NR5A2: variants seen among roughly 807,000 people sequenced by gnomAD.
NR5A2 encodes CYP7A promoter-binding factor.
NR5A2 carries 26 observed loss-of-function variants against 62.7 expected under a neutral mutation model. The observed-to-expected ratio is 0.41, with a 90% confidence interval of 0.30 to 0.58. NR5A2 has a LOEUF of 0.58. Ranked by LOEUF, NR5A2 falls within the 20% of genes least tolerant of loss-of-function variation. The pLI is 0.22. For synonymous variants in NR5A2, 246 were observed against 241.7 expected, an observed-to-expected ratio of 1.02 and a Z score of -0.16; for missense variants, 541 against 669.1, an observed-to-expected ratio of 0.81 and a Z score of 2.11.
At chr1:200,114,285 CATATATAT>C (rs1337329115) in intron 6 of NR5A2, among the ~76,000 whole-genome samples, 21 of 123,032 alleles carry the variant, frequency 1.7e-4, no homozygotes, top group African/African-American at 4.8e-4. Flanking sequence ...TATATATACA[CATATATAT>C]ACACACACAT....
intron 7 of NR5A2, among the ~76,000 whole-genome samples, chr1:200,155,871 G>C (rs143289980): frequency 1.3e-5 from 2 of 151,862 alleles, no homozygotes; most frequent in African/African-American, 4.8e-5. Flanking sequence ...ACGGGGTTCC[G>C]CCATGTTGGC....
At chr1:200,163,295 A>C (rs1418350731) in intron 7 of NR5A2, among the ~76,000 whole-genome samples, 1 of 151,252 alleles carries the variant, frequency 6.6e-6, no homozygotes, top group Non-Finnish European at 1.5e-5. Context: ...AAGAAAGAAA[A>C]GAAAAAAAGA....
At chr1:200,078,650 T>C (rs1050719180) in intron 5 of NR5A2, among the ~76,000 whole-genome samples, 2 of 152,240 alleles carry the variant, frequency 1.3e-5, no homozygotes, top group African/African-American at 4.8e-5. Flanking sequence ...TCATTCTACA[T>C]TTTCTTAAGT....
chr1:200,059,555 G>T (rs969263488), intron 5 of NR5A2, among the ~76,000 whole-genome samples: 16 of 152,062 alleles, frequency 1.1e-4, no homozygotes, highest in African/African-American at 3.6e-4. Flanking sequence ...TGTTGGGGAG[G>T]TAGAGCCCAC....
chr1:200,152,151 C>G (rs1037965083), intron 7 of NR5A2, among the ~76,000 whole-genome samples: 5 of 152,282 alleles, frequency 3.3e-5, no homozygotes, highest in Middle Eastern at 3.4e-3. Flanking sequence ...GGGGGACTCT[C>G]AAGGCCTCAG....
intron 1 of NR5A2, chr1:200,038,743 C>G: frequency 1.5e-6 from 2 of 1,365,998 alleles, no homozygotes; most frequent in Non-Finnish European, 2.0e-6. Flanking sequence ...TTCGCCGCCA[C>G]GCTCAGACAG....
At chr1:200,054,978 C>A (rs1662842533) in intron 5 of NR5A2, among the ~76,000 whole-genome samples, 1 of 151,758 alleles carries the variant, frequency 6.6e-6, no homozygotes, top group South Asian at 2.1e-4. Context: ...CTCACTGCAG[C>A]CTTGACCTTG....
At chr1:200,047,097 A>G (rs1022434552) in intron 4 of NR5A2, among the ~76,000 whole-genome samples, 4 of 152,246 alleles carry the variant, frequency 2.6e-5, no homozygotes, top group African/African-American at 9.6e-5. Flanking sequence ...CAAGTTCAAT[A>G]TGTCACAAGC....
At chr1:200,052,926 C>T (rs1662723233) in intron 5 of NR5A2, among the ~76,000 whole-genome samples, 1 of 152,190 alleles carries the variant, frequency 6.6e-6, no homozygotes, top group Non-Finnish European at 1.5e-5. Context: ...AGGCATGAGC[C>T]ACCGCACCCG....
chr1:200,166,132 C>G (rs1653888588), intron 7 of NR5A2, among the ~76,000 whole-genome samples: 1 of 152,112 alleles, frequency 6.6e-6, no homozygotes, highest in South Asian at 2.1e-4. Context: ...CCAGAGTAGC[C>G]CACCATTCCC....
chr1:200,054,987 T>C (rs1662843001), intron 5 of NR5A2, among the ~76,000 whole-genome samples: 1 of 150,666 alleles, frequency 6.6e-6, no homozygotes, highest in African/African-American at 2.4e-5. Context: ...GCCTTGACCT[T>C]GTGGCCTCAA....
At chr1:200,167,467 G>A (rs1653958039) in intron 7 of NR5A2, among the ~76,000 whole-genome samples, 1 of 152,024 alleles carries the variant, frequency 6.6e-6, no homozygotes, top group South Asian at 2.1e-4. Context: ...TTTCTCATCT[G>A]TGTTCCTGCA....
At chr1:200,058,451 G>A (rs868735852) in intron 5 of NR5A2, 3 of 151,986 alleles carry the variant, frequency 2.0e-5, no homozygotes, top group Non-Finnish European at 2.9e-5. Context: ...AAGTTTACCC[G>A]AAGATACATA....
intron 5 of NR5A2, among the ~76,000 whole-genome samples, chr1:200,072,168 C>G (rs2102217234): frequency 6.6e-6 from 1 of 152,196 alleles, no homozygotes; most frequent in South Asian, 2.1e-4. Flanking sequence ...TTTTTAGGTG[C>G]TTCTAATACT....
At chr1:200,164,082 ACTCT>A (rs373142391) in intron 7 of NR5A2, among the ~76,000 whole-genome samples, 1 of 150,772 alleles carries the variant, frequency 6.6e-6, no homozygotes, top group Admixed American at 6.6e-5. Flanking sequence ...CCCTACACAT[ACTCT>A]CTCTCTCTGG....
At chr1:200,107,591 A>C (rs1665743690) in intron 5 of NR5A2, among the ~76,000 whole-genome samples, 1 of 152,214 alleles carries the variant, frequency 6.6e-6, no homozygotes, top group Non-Finnish European at 1.5e-5. Flanking sequence ...GCAGATTTTG[A>C]AGTGTGTCCT....
At chr1:200,074,887 A>AT (rs1663957456) in intron 5 of NR5A2, among the ~76,000 whole-genome samples, 1 of 151,402 alleles carries the variant, frequency 6.6e-6, no homozygotes, top group Admixed American at 6.6e-5. Flanking sequence ...CTGAATGATT[A>AT]TTTTTTAAAT....
intron 5 of NR5A2, among the ~76,000 whole-genome samples, chr1:200,096,542 A>C (rs775858757): frequency 1.3e-5 from 2 of 152,182 alleles, no homozygotes; most frequent in Non-Finnish European, 2.9e-5. Flanking sequence ...TGGTCAGTTC[A>C]ATTAAAAAAT....
Position 200,119,808 on chromosome 1 carries a change from G to A in NR5A2, c.1231-1000G>A, listed in dbSNP as rs1313771998. Among the ~76,000 whole-genome samples the A allele has an allele frequency of 2.6e-4, 40 of 152,052 alleles. 1 individual carries two copies. The highest frequency in any genetic ancestry group is 2.6e-3 in the Admixed American group (39 of 15,274). Reference sequence around the variant, plus strand: ...CGCCCAGCCAATTTTTGTATTTTTAGTAGAGATGGGGTTTGGCCTTGAACT... The same window carrying A: ...CGCCCAGCCAATTTTTGTATTTTTAATAGAGATGGGGTTTGGCCTTGAACT... On this transcript the variant is annotated intron_variant, in intron 6 of 7. Transcript: ENST00000367362.
Sources: allele counts gnomAD v4.1 joint callset (sites outside exome capture counted in the v4.1 genomes callset), GRCh38; gene constraint gnomAD v4.1.1; transcripts MANE v1.5; gene names NCBI Gene and HGNC (gene_info 2026-07-23, HGNC 2026-07-21).